CTSS: variants seen among roughly 807,000 people sequenced by gnomAD.
The protein encoded by CTSS is cathepsin S.
In CTSS, 15 loss-of-function variants were observed where a neutral mutation model predicts 39.9. The ratio of observed to expected loss-of-function variants is 0.38; its 90% CI spans 0.25 to 0.58. The LOEUF (loss-of-function observed/expected upper bound fraction) is 0.58. CTSS is among the 20% of genes least tolerant of loss of function. CTSS has a pLI of 0.70. For missense variants in CTSS, 250 were observed against 398.2 expected (o/e 0.63, Z 3.17); for synonymous variants, 126 against 138.2 (o/e 0.91, Z 0.62).
intron 3 of CTSS, among the ~76,000 whole-genome samples, chr1:150,756,864 G>A (rs997230766): frequency 6.6e-6 from 1 of 151,982 alleles, no homozygotes; most frequent in Non-Finnish European, 1.5e-5. Flanking sequence ...TTACAGGCAT[G>A]TGCCACCACG....
rs1652679938 is a variant in CTSS at position 150,738,458 on chromosome 1, A to C, written c.897-5313T>G. 2.6e-5 allele frequency among the ~76,000 whole-genome samples: 4 copies of C among 151,552 alleles called. No homozygotes were observed. In the South Asian group the frequency reaches 8.3e-4, roughly 32 times the overall value. On this transcript the variant is annotated intron_variant, in intron 7 of 7. Transcript: ENST00000368985. ...TAATATTTCAACTGTTTTCATTATT[A>C]GCAAATCTGTTATGGTGATCTGTGA...
At chr1:150,765,042 AG>A (rs1375342053) in intron 1 of CTSS, among the ~76,000 whole-genome samples, 3 of 152,050 alleles carry the variant, frequency 2.0e-5, no homozygotes, top group African/African-American at 7.2e-5. Context: ...GTTAGAAAAC[AG>A]GGACTTTCCA....
intron 7 of CTSS, among the ~76,000 whole-genome samples, chr1:150,743,651 AT>A (rs1408789454): frequency 1.3e-5 from 1 of 79,920 alleles, no homozygotes; most frequent in Non-Finnish European, 2.7e-5. Flanking sequence ...TTATATATGT[AT>A]ATTATGTATA....
chr1:150,749,139 G>A (rs1028264154), intron 6 of CTSS, among the ~76,000 whole-genome samples: 2 of 152,132 alleles, frequency 1.3e-5, no homozygotes, highest in African/African-American at 4.8e-5. Context: ...AAGTGTTCAA[G>A]TAAAAAGAAA....
At chr1:150,733,769 C>G (rs1652574354) in intron 7 of CTSS, among the ~76,000 whole-genome samples, 1 of 151,606 alleles carries the variant, frequency 6.6e-6, no homozygotes, top group African/African-American at 2.4e-5. Context: ...TTGAGAGCAG[C>G]CTGGGCAAAA....
rs1653036850 is a variant in CTSS, at chr1:150,752,927, C to T, written c.400-919G>A. On this transcript the variant is annotated intron_variant, in intron 4 of 7. Coordinates refer to ENST00000368985, the MANE Select transcript of CTSS (RefSeq NM_004079.5). ...GAAGTGCAGTGGTGTGATCATGGCT[C>T]ACTGTAGCCTCAACCTCCCAGGCTC... Among the ~76,000 whole-genome samples, 3 of 152,264 alleles carry T rather than the reference C, an allele frequency of 2.0e-5. No homozygotes were observed. The South Asian group carries it at 6.2e-4, about 32-fold the overall frequency.
intron 7 of CTSS, among the ~76,000 whole-genome samples, chr1:150,744,626 TATTATAG>T (rs1652854738): frequency 2.9e-5 from 4 of 138,634 alleles, no homozygotes; most frequent in Admixed American, 7.8e-5. Flanking sequence ...ATATTATGTA[TATTATAG>T]ATTATGTATG....
intron 2 of CTSS, among the ~76,000 whole-genome samples, chr1:150,758,669 T>C (rs1164797017): frequency 2.6e-5 from 4 of 151,862 alleles, no homozygotes; most frequent in African/African-American, 9.7e-5. Context: ...GCCTCCTGCA[T>C]AGCTGGGATG....
intron 2 of CTSS, among the ~76,000 whole-genome samples, 186 bp downstream of exon 2, chr1:150,764,452 G>A (rs183650182): frequency 4.4e-4 from 67 of 152,180 alleles, no homozygotes; most frequent in African/African-American, 1.5e-3. Flanking sequence ...TGGCTAGGCT[G>A]GTCTCGAACT....
At chr1:150,735,160 A>T (rs7511673) in intron 7 of CTSS, among the ~76,000 whole-genome samples, 57,332 of 152,046 alleles carry the variant, frequency 0.38, 11,074 homozygotes, top group South Asian at 0.54. Context: ...GGAAGCTGTT[A>T]GAAATTTTGG....
At chr1:150,747,647 T>C in intron 7 of CTSS, 130 bp downstream of exon 7, 1 of 658,520 alleles carries the variant, frequency 1.5e-6, no homozygotes. Flanking sequence ...AATGTCACTT[T>C]GTAAGAAGCT....
chr1:150,749,151 G>GT (rs1468134068), intron 6 of CTSS, among the ~76,000 whole-genome samples: 3 of 152,142 alleles, frequency 2.0e-5, no homozygotes, highest in Admixed American at 1.3e-4. Flanking sequence ...AAAAAGAAAA[G>GT]TTGCATATCT....
intron 5 of CTSS, among the ~76,000 whole-genome samples, chr1:150,750,698 A>G (rs1449028514): frequency 6.6e-6 from 1 of 152,164 alleles, no homozygotes; most frequent in Non-Finnish European, 1.5e-5. Flanking sequence ...GTGCAGTAGC[A>G]TAATCATGGC....
rs937554815 is a variant in CTSS at position 150,730,969 on chromosome 1, A to G, written c.*2077T>C. The G allele has an allele frequency of 1.3e-5, 2 of 152,214 alleles. No individual in the cohort carries two copies. Among genetic ancestry groups the G allele is most frequent in the Non-Finnish European group, 2.9e-5 (2 of 68,030 alleles). 9.4% of individuals were successfully genotyped at this position (152,214 alleles called of 1,614,324 possible). A position where few individuals can be genotyped will look rare whatever the true frequency, so the allele number is the denominator to read the frequency against. ...CTTTGTAATCCTATATATTTTATGC[A>G]TTTAAAAACATGATTTTAAGAAGGC... On this transcript the variant is annotated 3_prime_UTR_variant, in exon 8 of 8. Transcript: ENST00000368985.
At chr1:150,762,137 A>C (rs925189564) in intron 2 of CTSS, among the ~76,000 whole-genome samples, 3 of 152,206 alleles carry the variant, frequency 2.0e-5, no homozygotes, top group Admixed American at 6.6e-5. Flanking sequence ...TTTATGGTCA[A>C]TCAATTTTCA....
chr1:150,754,843 C>A (rs1233014105), intron 4 of CTSS, among the ~76,000 whole-genome samples, 158 bp downstream of exon 4: 1 of 152,022 alleles, frequency 6.6e-6, no homozygotes, highest in East Asian at 1.9e-4. Flanking sequence ...TGATCCTTGC[C>A]CTTAAGGAAC....
intron 6 of CTSS, 132 bp downstream of exon 6, chr1:150,749,873 TC>T: frequency 1.5e-6 from 1 of 679,940 alleles, no homozygotes; most frequent in Non-Finnish European, 2.4e-6. Context: ...CAGGCTGGTG[TC>T]AAACTCCCAG....
At chr1:150,763,113 A>T (rs866557859) in intron 2 of CTSS, among the ~76,000 whole-genome samples, 16 of 152,192 alleles carry the variant, frequency 1.1e-4, no homozygotes, top group Non-Finnish European at 1.9e-4. Flanking sequence ...TTAAAAAAAA[A>T]AAAAGGAAAT....
At chr1:150,741,053 G>A (rs192033836) in intron 7 of CTSS, among the ~76,000 whole-genome samples, 19 of 152,164 alleles carry the variant, frequency 1.2e-4, no homozygotes, top group African/African-American at 4.3e-4. Context: ...CTAGGCCAGA[G>A]GGCAGTGGTG....
Sources: allele counts gnomAD v4.1 joint callset (sites outside exome capture counted in the v4.1 genomes callset), GRCh38; gene constraint gnomAD v4.1.1; transcripts MANE v1.5; gene names NCBI Gene and HGNC (gene_info 2026-07-23, HGNC 2026-07-21).